BMPR1B: variants seen among roughly 807,000 people sequenced by gnomAD.
The protein encoded by BMPR1B is bone morphogenetic protein receptor type 1B.
In BMPR1B, 12 loss-of-function variants were observed where a neutral mutation model predicts 59.1. The ratio of observed to expected loss-of-function variants is 0.20; its 90% CI spans 0.13 to 0.33. The LOEUF (loss-of-function observed/expected upper bound fraction) is 0.33, where lower values mean the gene tolerates loss of function less well. Ranked by LOEUF, BMPR1B falls within the 10% of genes least tolerant of loss-of-function variation. The pLI is 1.00. For synonymous variants in BMPR1B, 237 were observed against 207.3 expected, an observed-to-expected ratio of 1.14 and a Z score of -1.23; for missense variants, 550 against 610.9, an observed-to-expected ratio of 0.90 and a Z score of 1.05.
chr4:94,879,658 A>T (rs1384013620), intron 2 of BMPR1B, among the ~76,000 whole-genome samples: 1 of 152,174 alleles, frequency 6.6e-6, no homozygotes, highest in Non-Finnish European at 1.5e-5. Context: ...TTTTTCTCGT[A>T]TCCAGTGATT....
chr4:95,083,923 G>T lies in BMPR1B; in HGVS notation c.-17-20485G>T, dbSNP rs182215595. Among the ~76,000 whole-genome samples the T allele has an allele frequency of 2.6e-4, 40 of 152,162 alleles. No individual in the cohort carries two copies. The East Asian group carries it at 7.7e-3, about 29-fold the overall frequency. On this transcript the variant is annotated intron_variant, in intron 3 of 12. Transcript: ENST00000515059. ...GATAATAAGCTCAAAGGAAATGCAG[G>T]TTATTTTCAGATTACTCTGTGATTA...
chr4:94,887,427 G>C (rs1309543589), intron 2 of BMPR1B, among the ~76,000 whole-genome samples: 2 of 52,328 alleles, frequency 3.8e-5, no homozygotes, highest in Non-Finnish European at 8.0e-5. Context: ...AAAAAAACAA[G>C]AAGCAGAAGA....
intron 2 of BMPR1B, among the ~76,000 whole-genome samples, chr4:94,902,071 GTGTGTGTGTGTGTGT>G (rs748635408): frequency 6.0e-5 from 9 of 149,228 alleles, no homozygotes; most frequent in Non-Finnish European, 1.3e-4. Flanking sequence ...GTGTGTGTGT[GTGTGTGTGTGTGTGT>G]GGGGTGTATT....
intron 1 of BMPR1B, among the ~76,000 whole-genome samples, chr4:94,855,004 T>A (rs1438326284): frequency 1.2e-4 from 18 of 152,162 alleles, no homozygotes; most frequent in Non-Finnish European, 1.5e-5. Context: ...AGAATATGCC[T>A]AACATATATT....
At chr4:95,138,088 G>T (rs1733942411) in intron 10 of BMPR1B, among the ~76,000 whole-genome samples, 1 of 152,194 alleles carries the variant, frequency 6.6e-6, no homozygotes, top group East Asian at 1.9e-4. Flanking sequence ...AGGAGCTCTT[G>T]TAAGGCAGGC....
chr4:95,119,106 A>G (rs1732283805), intron 6 of BMPR1B, among the ~76,000 whole-genome samples: 1 of 152,228 alleles, frequency 6.6e-6, no homozygotes, highest in Non-Finnish European at 1.5e-5. Flanking sequence ...ATTGGAATGG[A>G]AAAGTATTAT....
intron 6 of BMPR1B, 146 bp from the exon 7 acceptor site, chr4:95,123,664 G>A (rs2149290545): frequency 1.5e-6 from 1 of 650,120 alleles, no homozygotes; most frequent in East Asian, 2.8e-5. Context: ...AGTATATATG[G>A]GTTTTTAAAA....
intron 2 of BMPR1B, among the ~76,000 whole-genome samples, chr4:94,915,065 C>A (rs577074176): frequency 4.1e-4 from 62 of 152,000 alleles, no homozygotes; most frequent in African/African-American, 1.5e-3. Flanking sequence ...ATGATTTATC[C>A]CATTATTTAA....
chr4:95,062,758 T>C (rs943313053), intron 3 of BMPR1B, among the ~76,000 whole-genome samples: 2 of 152,194 alleles, frequency 1.3e-5, no homozygotes, highest in African/African-American at 2.4e-5. Context: ...CATTTGATTT[T>C]ATGGCTTTGG....
intron 10 of BMPR1B, among the ~76,000 whole-genome samples, chr4:95,133,466 C>A (rs544291539): frequency 6.6e-6 from 1 of 152,204 alleles, no homozygotes; most frequent in Non-Finnish European, 1.5e-5. Context: ...CTTCTCATAC[C>A]ATCAAGTGTT....
chr4:95,024,399 C>T (rs1348260365), intron 3 of BMPR1B, among the ~76,000 whole-genome samples: 1 of 152,162 alleles, frequency 6.6e-6, no homozygotes, highest in Non-Finnish European at 1.5e-5. Flanking sequence ...CTCCTATGTC[C>T]TCCTACCTAG....
intron 3 of BMPR1B, among the ~76,000 whole-genome samples, chr4:95,064,287 A>G (rs1727636622): frequency 6.6e-6 from 1 of 152,224 alleles, no homozygotes; most frequent in Non-Finnish European, 1.5e-5. Context: ...AACTGGCCAC[A>G]CAGCAGGAAG....
At chr4:94,773,800 C>T (rs935228706) in intron 1 of BMPR1B, among the ~76,000 whole-genome samples, 1 of 151,820 alleles carries the variant, frequency 6.6e-6, no homozygotes, top group Non-Finnish European at 1.5e-5. Flanking sequence ...GTTTCTTTGA[C>T]TCCCACAGGA....
chr4:94,965,315 A>C, intron 2 of BMPR1B, among the ~76,000 whole-genome samples: 1 of 152,100 alleles, frequency 6.6e-6, no homozygotes, highest in East Asian at 1.9e-4. Flanking sequence ...TTCTCATCTC[A>C]TATTTCTTGT....
chr4:94,849,689 C>G lies in BMPR1B; in HGVS notation c.-182-26142C>G, dbSNP rs114703013. On this transcript the variant is annotated intron_variant, in intron 1 of 12. Coordinates refer to ENST00000515059, the MANE Select transcript of BMPR1B (RefSeq NM_001203.3). ...AGGGGGATGGGCTCAGGTAGGTACA[C>G]AGCCTGTTTATCCAGTTAGGGGGAA... Among the ~76,000 whole-genome samples, 5 of 151,832 alleles carry G rather than the reference C, an allele frequency of 3.3e-5. 1 individual carries two copies. Among genetic ancestry groups the G allele is most frequent in the South Asian group, 4.2e-4 (2 of 4,802 alleles).
chr4:94,818,141 T>C (rs188540250), intron 1 of BMPR1B, among the ~76,000 whole-genome samples: 2 of 152,326 alleles, frequency 1.3e-5, no homozygotes, highest in Admixed American at 6.5e-5. Flanking sequence ...ATTCTGTCTC[T>C]TTTTTATTAC....
At chr4:95,123,996 C>T (rs187669053) in intron 7 of BMPR1B, 90 bp downstream of exon 7, 245 of 859,092 alleles carry the variant, frequency 2.9e-4, no homozygotes, top group African/African-American at 1.6e-3. Context: ...TGTTTCTCAC[C>T]ACAGCTTTAT....
chr4:95,109,349 T>G (rs1226341462), intron 4 of BMPR1B, among the ~76,000 whole-genome samples: 2 of 152,112 alleles, frequency 1.3e-5, no homozygotes, highest in East Asian at 3.9e-4. Flanking sequence ...TCCAACTCTG[T>G]ATCCTGAAGA....
intron 1 of BMPR1B, among the ~76,000 whole-genome samples, chr4:94,770,911 G>GAAAAAAAAA (rs1722163068): frequency 8.5e-6 from 1 of 117,138 alleles, no homozygotes. Context: ...AAAAAAAAAT[G>GAAAAAAAAA]AAAAGCTAGA....
Sources: allele counts gnomAD v4.1 joint callset (sites outside exome capture counted in the v4.1 genomes callset), GRCh38; gene constraint gnomAD v4.1.1; transcripts MANE v1.5; gene names NCBI Gene and HGNC (gene_info 2026-07-23, HGNC 2026-07-21).